TDRD7: variants seen among roughly 807,000 people sequenced by gnomAD.
TDRD7 encodes the protein tudor domain-containing protein 7.
In TDRD7, 47 loss-of-function variants were observed where a neutral mutation model predicts 109.8. The ratio of observed to expected loss-of-function variants is 0.43; its 90% confidence interval spans 0.34 to 0.55. The LOEUF (loss-of-function observed/expected upper bound fraction) is 0.55. Ranked by LOEUF, TDRD7 falls within the 20% of genes least tolerant of loss-of-function variation. The probability of loss-of-function intolerance (pLI) is 0.03; values close to 1 mark genes in which losing one functional copy is unlikely to be tolerated. For missense variants in TDRD7, 1,164 were observed against 1,319.2 expected (o/e 0.88, Z 1.82); for synonymous variants, 424 against 457.3 (o/e 0.93, Z 0.93).
intron 4 of TDRD7, among the ~76,000 whole-genome samples, chr9:97,435,111 G>A (rs192451575): frequency 6.6e-6 from 1 of 152,172 alleles, no homozygotes; most frequent in African/African-American, 2.4e-5. Flanking sequence ...TGGTGGGCAC[G>A]TGAATCTGTA....
intron 8 of TDRD7, among the ~76,000 whole-genome samples, chr9:97,469,964 C>T (rs910300589): frequency 5.3e-5 from 8 of 152,038 alleles, no homozygotes; most frequent in African/African-American, 1.4e-4. Context: ...AAAATAGGTA[C>T]GCCTGTTTTT....
intron 4 of TDRD7, among the ~76,000 whole-genome samples, chr9:97,436,079 T>C (rs1359608678): frequency 6.6e-6 from 1 of 152,134 alleles, no homozygotes; most frequent in African/African-American, 2.4e-5. Context: ...TGTTAACAAA[T>C]TGAAAAGTTC....
intron 1 of TDRD7, among the ~76,000 whole-genome samples, chr9:97,420,019 A>G (rs1827872210): frequency 6.6e-6 from 1 of 152,356 alleles, no homozygotes; most frequent in Middle Eastern, 3.4e-3. Flanking sequence ...GCCATTTCTC[A>G]GAATTTACAT....
chr9:97,421,189 T>C (rs1249846702), intron 1 of TDRD7, among the ~76,000 whole-genome samples: 1 of 152,090 alleles, frequency 6.6e-6, no homozygotes, highest in Non-Finnish European at 1.5e-5. Flanking sequence ...CTATTTTGCA[T>C]GCCCACCAGA....
At chr9:97,428,747 C>T in intron 2 of TDRD7, 75 bp downstream of exon 2, 1 of 1,378,358 alleles carries the variant, frequency 7.3e-7, no homozygotes, top group Non-Finnish European at 1.0e-6. Flanking sequence ...CAATCTCCTA[C>T]CTGTGATAGA....
chr9:97,486,058 T>C (rs912041969), intron 15 of TDRD7, among the ~76,000 whole-genome samples: 1 of 152,160 alleles, frequency 6.6e-6, no homozygotes, highest in Admixed American at 6.5e-5. Flanking sequence ...TAGGTGTATA[T>C]GGGCTGGAGA....
At chr9:97,425,835 G>C (rs1412425254) in intron 1 of TDRD7, among the ~76,000 whole-genome samples, 2 of 152,188 alleles carry the variant, frequency 1.3e-5, no homozygotes, top group Non-Finnish European at 2.9e-5. Context: ...TTTCATTGCT[G>C]TGCAAACATT....
intron 16 of TDRD7, among the ~76,000 whole-genome samples, chr9:97,493,727 C>G (rs188070376): frequency 1.3e-5 from 2 of 151,964 alleles, no homozygotes; most frequent in African/African-American, 4.8e-5. Context: ...AAAAGACGGC[C>G]GCACCCGAAG....
chr9:97,491,741 G>A (rs150541369), intron 16 of TDRD7, among the ~76,000 whole-genome samples: 1,872 of 152,304 alleles, frequency 0.012, 17 homozygotes, highest in Non-Finnish European at 0.019. Flanking sequence ...AACCCTGTGA[G>A]GTCAGGCTCT....
At position 97,419,349 on chromosome 9, in the gene TDRD7, C is replaced by CAAA. The variant is rs1171958377; in HGVS notation, c.-7+7112_-7+7114dup. On this transcript the variant is annotated intron_variant, in intron 1 of 16. Coordinates refer to ENST00000355295, the MANE Select transcript of TDRD7 (RefSeq NM_014290.3). ...AGTGATGCTTTAGTATGTCCTCTTG[C>CAAA]AAATTAAAACTTGGCCAGTCTCCAC... 7.9e-5 allele frequency among the ~76,000 whole-genome samples: 12 copies of CAAA among 152,286 alleles called. No homozygotes were observed. In the South Asian group the frequency reaches 2.1e-3, roughly 26 times the overall value.
At chr9:97,419,757 C>T (rs1827868200) in intron 1 of TDRD7, among the ~76,000 whole-genome samples, 1 of 152,132 alleles carries the variant, frequency 6.6e-6, no homozygotes, top group African/African-American at 2.4e-5. Flanking sequence ...TCTGCTTACC[C>T]TTTCTTTCCT....
chr9:97,452,240 A>G (rs1297188959), intron 6 of TDRD7, among the ~76,000 whole-genome samples: 1 of 152,218 alleles, frequency 6.6e-6, no homozygotes, highest in South Asian at 2.1e-4. Flanking sequence ...GAAAGAAAAG[A>G]AACCCCAAAG....
chr9:97,443,217 C>T lies in TDRD7; in HGVS notation c.855+1342C>T, dbSNP rs542378411. On this transcript the variant is annotated intron_variant, in intron 6 of 16. Coordinates refer to ENST00000355295, the MANE Select transcript of TDRD7 (RefSeq NM_014290.3). The stretch of plus-strand genomic sequence containing the variant: ...TCATATACTATTTACTGTGCACTTG[C>T]ATGTGCTAATTTTTGCCTTAGGTGT... Among the ~76,000 whole-genome samples the T allele has an allele frequency of 7.2e-5, 11 of 152,286 alleles. No individual in the cohort carries two copies. The East Asian group carries it at 1.7e-3, about 24-fold the overall frequency.
intron 7 of TDRD7, among the ~76,000 whole-genome samples, chr9:97,464,225 TC>T (rs1828782468): frequency 6.6e-6 from 1 of 152,212 alleles, no homozygotes; most frequent in African/African-American, 2.4e-5. Context: ...GCCTTGTCCT[TC>T]CTGAGGACAC....
chr9:97,428,590 A>C lies in TDRD7; in HGVS notation c.125A>C (p.Lys42Thr). The stretch of plus-strand genomic sequence containing the variant: ...TTGACTGGAGACTGGATCCCCTTCA[A>C]ACAGCTAGGTTTCCCTACACTAGAA... Reference protein sequence around the residue: ...RSLTGDWIPFKQLGFPTLEAY... With the variant: ...RSLTGDWIPFTQLGFPTLEAY... The change falls in exon 2 of 17, where the codon AAA becomes ACA. Residue 42 changes from lysine (K) to threonine (T), a missense_variant. Around this residue, in one of 5 missense-constraint regions of TDRD7, gnomAD observed 101 missense variants for 148.5 expected, o/e 0.68. Transcript: ENST00000355295. 1 of 1,613,674 alleles carries C rather than the reference A, an allele frequency of 6.2e-7. No individual in the cohort carries two copies. The highest frequency in any genetic ancestry group is 8.5e-7 in the Non-Finnish European group (1 of 1,179,846).
intron 11 of TDRD7, 91 bp from the exon 12 acceptor site, chr9:97,475,292 T>G (rs1828998752): frequency 3.0e-6 from 3 of 997,608 alleles, no homozygotes; most frequent in Non-Finnish European, 4.7e-6. Flanking sequence ...CGGTTAAGTC[T>G]GCCAGTGCCA....
intron 6 of TDRD7, among the ~76,000 whole-genome samples, chr9:97,456,440 A>G (rs566958699): frequency 6.6e-5 from 10 of 152,230 alleles, no homozygotes; most frequent in Admixed American, 3.9e-4. Context: ...CTACAAGGCT[A>G]GAGAAACCAA....
intron 1 of TDRD7, among the ~76,000 whole-genome samples, chr9:97,416,794 G>C (rs552830085): frequency 6.6e-6 from 1 of 151,692 alleles, no homozygotes; most frequent in Admixed American, 6.6e-5. Flanking sequence ...AGTGGTAGGT[G>C]GATGGAGAAT....
At position 97,428,563 on chromosome 9, in the gene TDRD7, C is replaced by G; in HGVS notation, c.98C>G (p.Ser33Cys). The change falls in exon 2 of 17, where the codon TCC (serine) becomes TGC (cysteine). Residue 33 changes from serine (S) to cysteine (C), a missense_variant. Physicochemically the swap from Ser to Cys is moderately radical, Grantham distance 112. Transcript: ENST00000355295. ...CCCCGGCTCCAAGGAGAGTACAGAT[C>G]CTTGACTGGAGACTGGATCCCCTTC... is the stretch of plus-strand genomic sequence containing the variant. ...ALPRLQGEYR[S>C]LTGDWIPFKQ... The G allele has an allele frequency of 6.2e-7, 1 of 1,613,940 alleles. No homozygotes were observed. Among genetic ancestry groups the G allele is most frequent in the East Asian group, 2.2e-5 (1 of 44,848 alleles).
Sources: allele counts gnomAD v4.1 joint callset (sites outside exome capture counted in the v4.1 genomes callset), GRCh38; gene constraint gnomAD v4.1.1; regional missense constraint gnomAD v4.1.1; transcripts MANE v1.5; gene names NCBI Gene and HGNC (gene_info 2026-07-23, HGNC 2026-07-21).